ANAPC2: variants seen among roughly 807,000 people sequenced by gnomAD.
ANAPC2 encodes anaphase-promoting complex subunit 2.
In ANAPC2, 29 loss-of-function variants were observed where a neutral mutation model predicts 84.3. The observed-to-expected ratio is 0.34, with a 90% CI of 0.26 to 0.47. The LOEUF is 0.47. ANAPC2 is among the 20% of genes least tolerant of loss of function. ANAPC2 has a pLI of 1.00. For missense variants in ANAPC2, 857 were observed against 1,131.7 expected (o/e 0.76, Z 3.48); for synonymous variants, 571 against 479.4 (o/e 1.19, Z -2.50).
In ANAPC2 at chr9:137,184,971, C is replaced by A. The variant is rs1215132016; in HGVS notation, c.990G>T (p.Arg330Ser). ...GGCTGGCGTAGATGCGGTAGAAGAACCTTTGCACGTGGCAGCGCCAGCGGC... is the reference window on the plus strand; with the variant it reads ...GGCTGGCGTAGATGCGGTAGAAGAAACTTTGCACGTGGCAGCGCCAGCGGC... The part of the protein sequence containing the change: ...TLRRWRCHVQ[R>S]FFYRIYASLR... The change falls in exon 4 of 13, where the codon AGG becomes AGT. Residue 330 changes from arginine to serine, a missense_variant. This residue lies in a region of ANAPC2 where 428 missense variants were observed against 513.8 expected (regional missense o/e 0.83). Coordinates refer to ENST00000323927, the MANE Select transcript of ANAPC2 (RefSeq NM_013366.4). 2 of 1,612,368 alleles carry A rather than the reference C, an allele frequency of 1.2e-6. No homozygotes were observed. The highest frequency in any genetic ancestry group is 2.2e-5 in the East Asian group (1 of 44,872).
chr9:137,179,928 G>A (rs1390366499), intron 10 of ANAPC2, among the ~76,000 whole-genome samples: 6 of 152,270 alleles, frequency 3.9e-5, no homozygotes, highest in Non-Finnish European at 8.8e-5. Flanking sequence ...GGAGACCTGG[G>A]CCCAGCACAG....
In ANAPC2 at chr9:137,183,167, A is replaced by C; in HGVS notation, c.1244T>G (p.Val415Gly). 2 of 1,613,182 alleles carry C rather than the reference A, an allele frequency of 1.2e-6. No individual in the cohort carries two copies. Among genetic ancestry groups the C allele is most frequent in the Non-Finnish European group, 1.7e-6 (2 of 1,179,922 alleles). ...KALRVLDPSM[V>G]ILEVACEPIR... ...AGGCTCACAGGCCACCTCCAGGATG[A>C]CCATGGAAGGGTCCAGCACGCGCAG... The change falls in exon 6 of 13, where the codon GTC becomes GGC. Residue 415 changes from valine to glycine, a missense_variant. By Grantham distance (109) the Val-to-Gly change is moderately radical (BLOSUM62 -3). This residue lies in a region of ANAPC2 where 425 missense variants were observed against 595.5 expected (regional missense o/e 0.71). Transcript: ENST00000323927.
Position 137,181,687 on chromosome 9 carries a change from C to T in ANAPC2, c.1462G>A (p.Asp488Asn), listed in dbSNP as rs946732888. The T allele has an allele frequency of 3.1e-6, 5 of 1,596,320 alleles. No homozygotes were observed. Among genetic ancestry groups the T allele is most frequent in the African/African-American group, 2.7e-5 (2 of 74,618 alleles). ...CCATGTGGGGCAAGCTAACCTGGATCGGCATCCACAGGGTCCGGGACCCAG... is the reference window on the plus strand; with the variant it reads ...CCATGTGGGGCAAGCTAACCTGGATTGGCATCCACAGGGTCCGGGACCCAG... ...EDWVPDPVDA[D>N]PGKSSSKRRS... Residue 488 changes from aspartate (D) to asparagine (N), a missense_variant, in exon 7 of 13, where the codon GAT becomes AAT. By Grantham distance (23) the Asp-to-Asn change is conservative. This residue lies in a region of ANAPC2 where 425 missense variants were observed against 595.5 expected (regional missense o/e 0.71). Transcript: ENST00000323927.
At chr9:137,185,803 G>A (rs746811881) in intron 3 of ANAPC2, among the ~76,000 whole-genome samples, 14 of 152,190 alleles carry the variant, frequency 9.2e-5, no homozygotes, top group Non-Finnish European at 1.5e-4. Flanking sequence ...CCCCATGTGA[G>A]GGTGTCTCGC....
chr9:137,187,642 C>T lies in ANAPC2; in HGVS notation c.579G>A (p.Gly193=). The T allele has an allele frequency of 6.2e-7, 1 of 1,614,112 alleles. No homozygotes were observed. The highest frequency in any genetic ancestry group is 8.5e-7 in the Non-Finnish European group (1 of 1,180,036). ...CCCCTTCCAGTTCCGGGTCTGTGCC[C>T]CCTTCCCCCTTCCTCTTACTCTGCA... ...VYMQSKRKGE[G]GTDPELEGEL... is the part of the protein sequence containing the mutation. The change falls in exon 2 of 13, where the codon GGG becomes GGA. Residue 193 remains glycine (G), a synonymous_variant. Transcript: ENST00000323927.
Position 137,188,466 on chromosome 9 carries a change from C to T in ANAPC2, c.67G>A (p.Ala23Thr). Residue 23 changes from alanine (A) to threonine (T), a missense_variant, in exon 1 of 13, where the codon GCC becomes ACC. Coordinates refer to ENST00000323927, the MANE Select transcript of ANAPC2 (RefSeq NM_013366.4). The part of the protein sequence containing the change: ...DSRPGQELLV[A>T]WNTVSTGLVP... The stretch of plus-strand genomic sequence containing the variant: ...AGGCCGGTGCTCACGGTGTTCCAGG[C>T]CACTAACAACTCCTGTCCGGGCCGG... 1 of 1,610,454 alleles carries T rather than the reference C, an allele frequency of 6.2e-7. No homozygotes were observed. The highest frequency in any genetic ancestry group is 8.5e-7 in the Non-Finnish European group (1 of 1,179,570).
intron 10 of ANAPC2, among the ~76,000 whole-genome samples, chr9:137,179,905 C>G (rs537737083): frequency 1.6e-3 from 239 of 152,378 alleles, no homozygotes; most frequent in South Asian, 4.8e-3. Flanking sequence ...AGGGGTCCCC[C>G]TGAAGCAGTT....
In ANAPC2 at chr9:137,175,481, A is replaced by G; in HGVS notation, c.2021-9T>C. 6.4e-7 allele frequency: 1 copy of G among 1,550,620 alleles called. No individual in the cohort carries two copies. The highest frequency in any genetic ancestry group is 1.7e-4 in the Middle Eastern group (1 of 5,876). On this transcript the variant is annotated splice_polypyrimidine_tract_variant and intron_variant, in intron 11 of 12. Coordinates refer to ENST00000323927, the MANE Select transcript of ANAPC2 (RefSeq NM_013366.4). ...CTCCAGGGTCCAGCTGGCTGCGTGC[A>G]GAGTCACCGGGACGCTGGGCAGCCT...
At chr9:137,185,296 C>T (rs770746510) in intron 3 of ANAPC2, among the ~76,000 whole-genome samples, 2 of 152,228 alleles carry the variant, frequency 1.3e-5, no homozygotes, top group African/African-American at 2.4e-5. Flanking sequence ...CTGCAGTCTT[C>T]GTGCCTCTCA....
At chr9:137,187,352 G>A in intron 2 of ANAPC2, 129 bp downstream of exon 2, 3 of 1,217,204 alleles carry the variant, frequency 2.5e-6, no homozygotes, top group South Asian at 3.0e-5. Context: ...GAATCCCTGG[G>A]ACTCTCTCTC....
chr9:137,179,648 C>T lies in ANAPC2; in HGVS notation c.1890+533G>A, dbSNP rs1371484720. Among the ~76,000 whole-genome samples the T allele has an allele frequency of 3.9e-5, 6 of 152,256 alleles. No homozygotes were observed. The East Asian group carries it at 1.2e-3, about 29-fold the overall frequency. On this transcript the variant is annotated intron_variant, in intron 10 of 12. Coordinates refer to ENST00000323927, the MANE Select transcript of ANAPC2 (RefSeq NM_013366.4). ...CTACTCCCACCACAGACCCATAGCC[C>T]CGGTCCTCAAGTACCACTGGAGCCT...
chr9:137,181,564 G>A lies in ANAPC2; in HGVS notation c.1468+117C>T, dbSNP rs1834343846. ...TGACCTTTGACACCCTCAAGCCTCTGAGACACTAGCGACACCTGACACAGC... is the reference window on the plus strand; with the variant it reads ...TGACCTTTGACACCCTCAAGCCTCTAAGACACTAGCGACACCTGACACAGC... On this transcript the variant is annotated intron_variant, in intron 7 of 12. Coordinates refer to ENST00000323927, the MANE Select transcript of ANAPC2 (RefSeq NM_013366.4). 6 of 1,183,910 alleles carry A rather than the reference G, an allele frequency of 5.1e-6. No individual in the cohort carries two copies. In the East Asian group the frequency reaches 1.1e-4, roughly 23 times the overall value. 73.3% of individuals were successfully genotyped at this position (1,183,910 alleles called of 1,614,324 possible).
chr9:137,187,606 G>A lies in ANAPC2; in HGVS notation c.615C>T (p.Ser205=). The stretch of plus-strand genomic sequence containing the variant: ...GGTAGTACCGGCGACGGGCATACCG[G>A]CTGTCCAGCTCCCCTTCCAGTTCCG... ...TDPELEGELD[S]RYARRRYYRL... The change falls in exon 2 of 13, where the codon AGC becomes AGT. Residue 205 remains serine (S), a synonymous_variant. Transcript: ENST00000323927. 1.2e-6 allele frequency: 2 copies of A among 1,614,016 alleles called. No homozygotes were observed. The highest frequency in any genetic ancestry group is 8.5e-7 in the Non-Finnish European group (1 of 1,180,036).
chr9:137,184,430 CAG>C (rs1564378302), intron 4 of ANAPC2, among the ~76,000 whole-genome samples: 1 of 145,092 alleles, frequency 6.9e-6, no homozygotes, highest in African/African-American at 2.6e-5. Context: ...GACGCAGACA[CAG>C]AGCAGACACG....
chr9:137,182,603 G>A (rs747580611), intron 6 of ANAPC2, among the ~76,000 whole-genome samples: 28 of 152,302 alleles, frequency 1.8e-4, no homozygotes, highest in Admixed American at 1.7e-3. Flanking sequence ...AGACTCCACC[G>A]GCTCCTGCTG....
chr9:137,187,320 G>A lies in ANAPC2; in HGVS notation c.740+161C>T, dbSNP rs1834495907. ...GGTGAGTGACAGAAGAGAGACACCT[G>A]TGTCCAGGACACGCTGCACAGGAAT... On this transcript the variant is annotated intron_variant, in intron 2 of 12. Transcript: ENST00000323927. 9 of 886,876 alleles carry A rather than the reference G, an allele frequency of 1.0e-5. No individual in the cohort carries two copies. The East Asian group carries it at 2.1e-4, about 21-fold the overall frequency. The allele number at this position is 886,876 out of a possible 1,614,324, so 54.9% of individuals were successfully genotyped here.
chr9:137,175,017 G>A lies in ANAPC2; in HGVS notation c.2394C>T (p.Tyr798=). The A allele has an allele frequency of 6.2e-7, 1 of 1,604,374 alleles. No homozygotes were observed. The highest frequency in any genetic ancestry group is 1.3e-5 in the African/African-American group (1 of 74,936). ...AEIDLQELQG[Y]LQKKVRDQQL... is the part of the protein sequence containing the mutation. Reference sequence around the variant, plus strand: ...GCTGGTCCCGCACCTTCTTCTGCAGGTAGCCCTGCAGCTCCTGCAGGTCAA... The same window carrying A: ...GCTGGTCCCGCACCTTCTTCTGCAGATAGCCCTGCAGCTCCTGCAGGTCAA... Residue 798 remains tyrosine, a synonymous_variant, in exon 13 of 13, where the codon TAC becomes TAT. Coordinates refer to ENST00000323927, the MANE Select transcript of ANAPC2 (RefSeq NM_013366.4).
chr9:137,177,874 C>T (rs770956538), intron 10 of ANAPC2, among the ~76,000 whole-genome samples: 120 of 152,126 alleles, frequency 7.9e-4, no homozygotes, highest in Non-Finnish European at 1.5e-3. Context: ...GAGACCAGAG[C>T]GAGGCACCCA....
chr9:137,183,804 G>C lies in ANAPC2; in HGVS notation c.1049-13C>G. The C allele has an allele frequency of 6.2e-7, 1 of 1,612,576 alleles. No homozygotes were observed. The highest frequency in any genetic ancestry group is 1.1e-5 in the South Asian group (1 of 91,044). On this transcript the variant is annotated splice_polypyrimidine_tract_variant and intron_variant, in intron 4 of 12. Coordinates refer to ENST00000323927, the MANE Select transcript of ANAPC2 (RefSeq NM_013366.4). Reference sequence around the variant, plus strand: ...GAGTCTGGGAAGTCTACAAGAAGAAGAACATCCCTCAGGGACAGACATGGA... The same window carrying C: ...GAGTCTGGGAAGTCTACAAGAAGAACAACATCCCTCAGGGACAGACATGGA...
Sources: allele counts gnomAD v4.1 joint callset (sites outside exome capture counted in the v4.1 genomes callset), GRCh38; gene constraint gnomAD v4.1.1; regional missense constraint gnomAD v4.1.1; transcripts MANE v1.5; gene names NCBI Gene and HGNC (gene_info 2026-07-23, HGNC 2026-07-21).